The following PAWR variants were observed in gnomAD, a reference collection of about 807,000 sequenced individuals.
PAWR encodes PRKC apoptosis WT1 regulator protein.
Under a neutral mutation model 32.0 loss-of-function variants are expected in PAWR, and 23 were observed. The ratio of observed to expected loss-of-function variants is 0.72; its 90% confidence interval spans 0.52 to 1.02. The LOEUF (loss-of-function observed/expected upper bound fraction) is 1.02, where lower values mean the gene tolerates loss of function less well. PAWR is among the 50% of genes least tolerant of loss of function. PAWR has a pLI of 0.00. For missense variants in PAWR, 457 were observed against 437.7 expected, an observed-to-expected ratio of 1.04 and a Z score of -0.39; for synonymous variants, 226 against 187.1, an observed-to-expected ratio of 1.21 and a Z score of -1.70.
chr12:79,661,432 T>A (rs1030416645), intron 2 of PAWR, among the ~76,000 whole-genome samples: 1 of 152,110 alleles, frequency 6.6e-6, no homozygotes, highest in Admixed American at 6.5e-5. Flanking sequence ...TATTTCTTGG[T>A]AAAAACAGAA....
chr12:79,607,465 G>A (rs755359501), intron 4 of PAWR, among the ~76,000 whole-genome samples: 2 of 151,898 alleles, frequency 1.3e-5, no homozygotes, highest in Admixed American at 6.6e-5. Context: ...ACAATGGCTC[G>A]CACCTGTAAT....
intron 2 of PAWR, among the ~76,000 whole-genome samples, chr12:79,632,314 T>TATATATATATATATATATAC (rs1875692411): frequency 5.5e-5 from 1 of 18,112 alleles, no homozygotes; most frequent in Non-Finnish European, 8.2e-5. Context: ...TATACATACA[T>TATATATATATATATATATAC]ATATATATAT....
Position 79,586,979 on chromosome 12 carries a change from A to AGAT in PAWR, c.*5625_*5627dup, listed in dbSNP as rs1217851022. ...AGGAATGAAATGTAACCTCTTTTAA[A>AGAT]GATGAAGAAAAACTGAAAAAATGAG... is the stretch of plus-strand genomic sequence containing the variant. On this transcript the variant is annotated 3_prime_UTR_variant, in exon 7 of 7. Coordinates refer to ENST00000328827, the MANE Select transcript of PAWR (RefSeq NM_002583.4). The AGAT allele has an allele frequency of 6.6e-6, 1 of 152,178 alleles. No individual in the cohort carries two copies. The highest frequency in any genetic ancestry group is 2.4e-5 in the African/African-American group (1 of 41,458). The allele number at this position is 152,178 out of a possible 1,614,324, so 9.4% of individuals were successfully genotyped here.
In PAWR at chr12:79,605,888, A is replaced by G. The variant is rs1039966129; in HGVS notation, c.683+7687T>C. ...CAGGATTTCAAGATCAGCCTGGCCA[A>G]CATGGTGAAACCCTATCTCTACTAA... On this transcript the variant is annotated intron_variant, in intron 4 of 6. Coordinates refer to ENST00000328827, the MANE Select transcript of PAWR (RefSeq NM_002583.4). Among the ~76,000 whole-genome samples the G allele has an allele frequency of 3.3e-4, 50 of 152,280 alleles. 1 individual carries two copies. The highest frequency in any genetic ancestry group is 1.2e-3 in the African/African-American group (48 of 41,568).
intron 4 of PAWR, among the ~76,000 whole-genome samples, chr12:79,602,417 G>C (rs932179656): frequency 3.3e-5 from 5 of 152,026 alleles, no homozygotes; most frequent in Admixed American, 6.6e-5. Context: ...AAATATATTG[G>C]GAGATGAGCT....
At chr12:79,626,229 A>G (rs1485736811) in intron 2 of PAWR, among the ~76,000 whole-genome samples, 1 of 150,956 alleles carries the variant, frequency 6.6e-6, no homozygotes, top group African/African-American at 2.4e-5. Flanking sequence ...CAGACTTATC[A>G]ACAGAAACTA....
At chr12:79,651,147 A>G (rs756590816) in intron 2 of PAWR, among the ~76,000 whole-genome samples, 3 of 152,228 alleles carry the variant, frequency 2.0e-5, no homozygotes, top group Non-Finnish European at 4.4e-5. Flanking sequence ...AACAGAAAGA[A>G]CTAGTATCTA....
chr12:79,687,526 T>TTA (rs1878741223), intron 2 of PAWR, among the ~76,000 whole-genome samples: 1 of 152,206 alleles, frequency 6.6e-6, no homozygotes, highest in South Asian at 2.1e-4. Flanking sequence ...CGACATTAGA[T>TTA]AAAATAAAGT....
rs1873385670 is a variant in PAWR, at chr12:79,586,356, T to C, written c.*6251A>G. On this transcript the variant is annotated 3_prime_UTR_variant, in exon 7 of 7. Transcript: ENST00000328827. Reference sequence around the variant, plus strand: ...GACTGATAGCTTTAGGCTTTTGCACTACACAAAGAAAAAGACACCTTTCTA... The same window carrying C: ...GACTGATAGCTTTAGGCTTTTGCACCACACAAAGAAAAAGACACCTTTCTA... 1 of 152,654 alleles carries C rather than the reference T, an allele frequency of 6.6e-6. No homozygotes were observed. Among genetic ancestry groups the C allele is most frequent in the Non-Finnish European group, 1.5e-5 (1 of 68,034 alleles). 9.5% of individuals were successfully genotyped at this position (152,654 alleles called of 1,614,324 possible). A position where few individuals can be genotyped will look rare whatever the true frequency, so the allele number is the denominator to read the frequency against.
At chr12:79,669,389 A>C (rs983063022) in intron 2 of PAWR, among the ~76,000 whole-genome samples, 1 of 152,132 alleles carries the variant, frequency 6.6e-6, no homozygotes, top group African/African-American at 2.4e-5. Flanking sequence ...TTCAAGATAC[A>C]CTGTTCTATC....
rs116325335 is a variant in PAWR, at chr12:79,644,484, C to T, written c.517-23277G>A. Among the ~76,000 whole-genome samples, 201 of 152,226 alleles carry T rather than the reference C, an allele frequency of 1.3e-3. 1 individual carries two copies. The highest frequency in any genetic ancestry group is 4.5e-3 in the African/African-American group (187 of 41,556). ...ACCTAAGTGGAAGATTTAAATAGGA[C>T]ACTAGAAGGTAAACATTCCATTTCT... On this transcript the variant is annotated intron_variant, in intron 2 of 6. Transcript: ENST00000328827.
chr12:79,686,750 C>G (rs1230508729), intron 2 of PAWR, among the ~76,000 whole-genome samples: 1 of 152,138 alleles, frequency 6.6e-6, no homozygotes, highest in African/African-American at 2.4e-5. Context: ...GGTCAAGATT[C>G]TCATCCTCAA....
intron 3 of PAWR, among the ~76,000 whole-genome samples, chr12:79,619,030 T>C (rs1282186717): frequency 6.6e-6 from 1 of 150,844 alleles, no homozygotes. Flanking sequence ...TTTTTAATAT[T>C]TGTTATTTAA....
At chr12:79,674,518 T>C (rs1878065330) in intron 2 of PAWR, among the ~76,000 whole-genome samples, 1 of 151,980 alleles carries the variant, frequency 6.6e-6, no homozygotes, top group Non-Finnish European at 1.5e-5. Flanking sequence ...TGATGAAGAC[T>C]CCAAAAGCAA....
chr12:79,620,687 T>C (rs1032341906), intron 3 of PAWR, among the ~76,000 whole-genome samples: 1 of 152,148 alleles, frequency 6.6e-6, no homozygotes, highest in Non-Finnish European at 1.5e-5. Context: ...CAGCCTGGCA[T>C]GGGGTATTCT....
Position 79,584,981 on chromosome 12 carries a change from CTT to C in PAWR, c.*7624_*7625del, listed in dbSNP as rs1873348180. ...TCTTCAGGCAATAACAGAGATAAAA[CTT>C]AACACAGACAAACAATGATTTTATT... On this transcript the variant is annotated 3_prime_UTR_variant, in exon 7 of 7. Coordinates refer to ENST00000328827, the MANE Select transcript of PAWR (RefSeq NM_002583.4). The C allele has an allele frequency of 3.9e-6, 1 of 257,392 alleles. No homozygotes were observed. The highest frequency in any genetic ancestry group is 2.3e-5 in the African/African-American group (1 of 43,616). The allele number at this position is 257,392 out of a possible 1,614,324, so 15.9% of individuals were successfully genotyped here.
At chr12:79,665,003 T>G (rs746619194) in intron 2 of PAWR, among the ~76,000 whole-genome samples, 2 of 152,136 alleles carry the variant, frequency 1.3e-5, no homozygotes, top group Non-Finnish European at 2.9e-5. Context: ...TTTCCAAAAG[T>G]CAACAATAGT....
intron 2 of PAWR, among the ~76,000 whole-genome samples, chr12:79,678,260 G>A (rs1453330639): frequency 5.9e-5 from 9 of 152,178 alleles, no homozygotes. Flanking sequence ...TGCATAAACA[G>A]ATATGGACAG....
At chr12:79,654,778 G>A (rs908867260) in intron 2 of PAWR, among the ~76,000 whole-genome samples, 12 of 152,080 alleles carry the variant, frequency 7.9e-5, no homozygotes, top group East Asian at 5.8e-4. Flanking sequence ...ATCAGATCTC[G>A]TGAGAATTCA....
Sources: allele counts gnomAD v4.1 joint callset (sites outside exome capture counted in the v4.1 genomes callset), GRCh38; gene constraint gnomAD v4.1.1; transcripts MANE v1.5; gene names NCBI Gene and HGNC (gene_info 2026-07-23, HGNC 2026-07-21).